SH3D19: variants seen among roughly 807,000 people sequenced by gnomAD.
SH3D19 encodes SH3 domain-containing protein 19.
In SH3D19, 58 loss-of-function variants were observed where a neutral mutation model predicts 112.1. That is an observed-to-expected ratio of 0.52 (90% CI 0.42 to 0.64). The LOEUF is 0.64. Ranked by LOEUF, SH3D19 falls within the 30% of genes least tolerant of loss-of-function variation. SH3D19 has a pLI of 0.00. For missense variants in SH3D19, 1,090 were observed against 1,263.4 expected (o/e 0.86, Z 2.08); for synonymous variants, 391 against 448.5 (o/e 0.87, Z 1.62).
intron 1 of SH3D19, chr4:151,228,102 A>G: frequency 1.1e-6 from 1 of 909,604 alleles, no homozygotes; most frequent in Non-Finnish European, 1.3e-6. Context: ...CTCTAAGAAA[A>G]TACAAATGTC....
At chr4:151,301,791 T>C (rs1024703429) in intron 1 of SH3D19, among the ~76,000 whole-genome samples, 1 of 152,078 alleles carries the variant, frequency 6.6e-6, no homozygotes, top group Non-Finnish European at 1.5e-5. Flanking sequence ...ATATCAAGAC[T>C]CTACAAAAAG....
At chr4:151,190,164 C>G (rs1190276284) in intron 2 of SH3D19, among the ~76,000 whole-genome samples, 1 of 152,092 alleles carries the variant, frequency 6.6e-6, no homozygotes, top group African/African-American at 2.4e-5. Context: ...GGGCCTCTGG[C>G]AGAAGAAATT....
chr4:151,226,119 G>T (rs1184363269), intron 1 of SH3D19, 33 bp from the exon 2 acceptor site: 1 of 1,231,030 alleles, frequency 8.1e-7, no homozygotes, highest in Non-Finnish European at 1.0e-6. Context: ...CGTGTCAAAA[G>T]GTTCTTTAAA....
chr4:151,174,184 G>A (rs1230354565), intron 7 of SH3D19, among the ~76,000 whole-genome samples: 6 of 152,164 alleles, frequency 3.9e-5, no homozygotes, highest in Non-Finnish European at 7.4e-5. Context: ...AGCACTCCCA[G>A]CTGAGGCCCA....
At position 151,175,472 on chromosome 4, in the gene SH3D19, T is replaced by G; in HGVS notation, c.732A>C (p.Lys244Asn). 1 of 1,493,278 alleles carries G rather than the reference T, an allele frequency of 6.7e-7. No individual in the cohort carries two copies. The highest frequency in any genetic ancestry group is 2.2e-4 in the Middle Eastern group (1 of 4,618). The allele number at this position is 1,493,278 out of a possible 1,614,324, so 92.5% of individuals were successfully genotyped here. ...GGCTGATTTTCTGTTGACTTTGCTC[T>G]TTAATGTGAGAATCTCTGGGTATTG... ...LRPIPRDSHI[K>N]EQSQQKISPA... The change falls in exon 7 of 20, where the codon AAA becomes AAC. Residue 244 changes from lysine (K) to asparagine (N), a missense_variant. Transcript: ENST00000604030.
At chr4:151,295,190 G>A (rs991861126) in intron 1 of SH3D19, among the ~76,000 whole-genome samples, 2 of 152,192 alleles carry the variant, frequency 1.3e-5, no homozygotes, top group African/African-American at 2.4e-5. Context: ...TGAAGTGAGA[G>A]CAAGGGAATG....
intron 2 of SH3D19, among the ~76,000 whole-genome samples, chr4:151,215,192 G>T (rs62346595): frequency 2.6e-5 from 4 of 152,186 alleles, no homozygotes. Flanking sequence ...AAAGTGTTGC[G>T]AATACAGGCA....
intron 2 of SH3D19, among the ~76,000 whole-genome samples, chr4:151,192,064 C>T (rs576102197): frequency 1.3e-5 from 2 of 151,070 alleles, no homozygotes; most frequent in South Asian, 4.2e-4. Context: ...CCTGCTTCAG[C>T]CTCCCCACAG....
At chr4:151,131,628 G>A (rs998996814) in intron 17 of SH3D19, among the ~76,000 whole-genome samples, 2 of 151,604 alleles carry the variant, frequency 1.3e-5, no homozygotes, top group African/African-American at 4.8e-5. Context: ...CTGGGAATAC[G>A]CGCGCTGGTC....
In SH3D19 at chr4:151,226,199, A is replaced by G. The variant is rs1768966078; in HGVS notation, c.113-113T>C. The G allele has an allele frequency of 2.4e-6, 3 of 1,228,196 alleles. No individual in the cohort carries two copies. In the East Asian group the frequency reaches 9.5e-5, roughly 39 times the overall value. 76.1% of individuals were successfully genotyped at this position (1,228,196 alleles called of 1,614,324 possible). The stretch of plus-strand genomic sequence containing the variant: ...ATTTCACAAAGGACTGTTCAAAGGT[A>G]GTTGTGTCTTCCTAAGTATAAGGCT... On this transcript the variant is annotated intron_variant, in intron 1 of 19. Transcript: ENST00000604030.
At chr4:151,272,277 T>C (rs187233728) in intron 1 of SH3D19, among the ~76,000 whole-genome samples, 8 of 152,242 alleles carry the variant, frequency 5.3e-5, no homozygotes, top group Middle Eastern at 6.8e-3. Flanking sequence ...CATGGTACAA[T>C]GGGAAAATAA....
At chr4:151,150,975 T>G (rs973305641) in intron 9 of SH3D19, among the ~76,000 whole-genome samples, 4 of 150,148 alleles carry the variant, frequency 2.7e-5, no homozygotes, top group African/African-American at 9.8e-5. Flanking sequence ...TTTTTTTTTT[T>G]TTGGAGACAG....
At chr4:151,244,235 A>C (rs1561396083) in intron 1 of SH3D19, among the ~76,000 whole-genome samples, 1 of 151,886 alleles carries the variant, frequency 6.6e-6, no homozygotes, top group Admixed American at 6.6e-5. Context: ...ACAAATACAC[A>C]AAAAAACCCA....
chr4:151,147,913 T>A lies in SH3D19; in HGVS notation c.2082+9A>T. 1 of 1,585,904 alleles carries A rather than the reference T, an allele frequency of 6.3e-7. No individual in the cohort carries two copies. On this transcript the variant is annotated intron_variant, in intron 11 of 19. Coordinates refer to ENST00000604030, the MANE Select transcript of SH3D19 (RefSeq NM_001378122.1). ...CTTGACCACAAACATTTTTAAAAGC[T>A]AAATTTACCATGTATTTACTGTAGA...
intron 1 of SH3D19, among the ~76,000 whole-genome samples, chr4:151,242,535 C>G (rs907417039): frequency 6.6e-5 from 10 of 152,154 alleles, no homozygotes; most frequent in Non-Finnish European, 1.3e-4. Flanking sequence ...GGTGGCTTTT[C>G]AGGCAACACA....
In SH3D19 at chr4:151,325,393, T is replaced by C. The variant is rs1339293430; in HGVS notation, c.-41A>G. 1.1e-5 allele frequency: 12 copies of C among 1,079,500 alleles called. No individual in the cohort carries two copies. Among genetic ancestry groups the C allele is most frequent in the Non-Finnish European group, 1.4e-5 (12 of 859,824 alleles). 66.9% of individuals were successfully genotyped at this position (1,079,500 alleles called of 1,614,324 possible). Reference sequence around the variant, plus strand: ...CGCAGCCGCGGGATGGCCAGCGAGCTGCGGCCCCGGCGCCCCAGAACGCCT... The same window carrying C: ...CGCAGCCGCGGGATGGCCAGCGAGCCGCGGCCCCGGCGCCCCAGAACGCCT... On this transcript the variant is annotated 5_prime_UTR_variant, in exon 1 of 20. Coordinates refer to ENST00000604030, the MANE Select transcript of SH3D19 (RefSeq NM_001378122.1).
At chr4:151,237,093 G>A (rs1193068696) in intron 1 of SH3D19, among the ~76,000 whole-genome samples, 3 of 152,072 alleles carry the variant, frequency 2.0e-5, no homozygotes, top group Non-Finnish European at 2.9e-5. Flanking sequence ...TTGCCTTTAT[G>A]AGCTGTAACA....
chr4:151,251,177 T>C (rs1468367794), intron 1 of SH3D19, among the ~76,000 whole-genome samples: 2 of 66,608 alleles, frequency 3.0e-5, no homozygotes, highest in Non-Finnish European at 9.5e-5. Context: ...AACCCATTTG[T>C]TCTTTCTTTT....
chr4:151,121,811 T>C lies in SH3D19; in HGVS notation c.*280A>G, dbSNP rs1320101470. 2 of 260,920 alleles carry C rather than the reference T, an allele frequency of 7.7e-6. No homozygotes were observed. Among genetic ancestry groups the C allele is most frequent in the African/African-American group, 4.4e-5 (2 of 45,094 alleles). 16.2% of individuals were successfully genotyped at this position (260,920 alleles called of 1,614,324 possible). A position where few individuals can be genotyped will look rare whatever the true frequency, so the allele number is the denominator to read the frequency against. ...CAACTTCTGTGTGTGAGCCTCCCCATGCTGCCATGCCACCAGATGCTTTCC... is the reference window on the plus strand; with the variant it reads ...CAACTTCTGTGTGTGAGCCTCCCCACGCTGCCATGCCACCAGATGCTTTCC... On this transcript the variant is annotated 3_prime_UTR_variant, in exon 20 of 20. Transcript: ENST00000604030.
Sources: allele counts gnomAD v4.1 joint callset (sites outside exome capture counted in the v4.1 genomes callset), GRCh38; gene constraint gnomAD v4.1.1; transcripts MANE v1.5; gene names NCBI Gene and HGNC (gene_info 2026-07-23, HGNC 2026-07-21).